The following TUBB3 variants were observed in gnomAD, a reference collection of about 807,000 sequenced individuals.
The protein encoded by TUBB3 is tubulin beta-3 chain.
Under a neutral mutation model 37.8 loss-of-function variants are expected in TUBB3, and 17 were observed. That is an observed-to-expected ratio of 0.45 (90% CI 0.31 to 0.67). The LOEUF is 0.67. TUBB3 is among the 30% of genes least tolerant of loss of function. The probability of loss-of-function intolerance (pLI) is 0.07; values close to 1 mark genes in which losing one functional copy is unlikely to be tolerated. For synonymous variants in TUBB3, 332 were observed against 278.9 expected (o/e 1.19, Z -1.90); for missense variants, 262 against 657.9 (o/e 0.40, Z 6.58).
chr16:89,926,774 G>A (rs1275646877), intron 1 of TUBB3, among the ~76,000 whole-genome samples: 8 of 151,914 alleles, frequency 5.3e-5, no homozygotes, highest in Non-Finnish European at 1.2e-4. Flanking sequence ...CTGGAGTGCA[G>A]TGGCGCGATC....
At chr16:89,928,606 G>C (rs146018050) in intron 1 of TUBB3, among the ~76,000 whole-genome samples, 1,946 of 151,010 alleles carry the variant, frequency 0.013, 13 homozygotes, top group Middle Eastern at 0.027. Context: ...TTCACTGCAA[G>C]CTCCGCCTCC....
upstream of TUBB3, chr16:89,923,337 C>A (rs909379847): frequency 1.0e-5 from 14 of 1,376,464 alleles, no homozygotes; most frequent in Admixed American, 2.7e-5. Context: ...CCGCGGTCCC[C>A]GACCCTCAGC....
chr16:89,930,953 G>C lies in TUBB3; in HGVS notation c.58-1618G>C, dbSNP rs376194620. On this transcript the variant is annotated intron_variant, in intron 1 of 3. Transcript: ENST00000315491. ...AGTGATTCTCCTGCTTCAGCCTCCC[G>C]AGTAGCTGGGACTACAGGCACCCGC... Among the ~76,000 whole-genome samples the C allele has an allele frequency of 0.011, 1,689 of 151,686 alleles. 44 individuals are homozygous for C. The South Asian group carries it at 0.11, about 10-fold the overall frequency.
At chr16:89,933,798 G>C in intron 3 of TUBB3, 1 of 702,590 alleles carries the variant, frequency 1.4e-6, no homozygotes, top group South Asian at 1.5e-5. Context: ...GTGGAATGAA[G>C]TGTAAAGCAG....
chr16:89,934,302 C>T (rs953436896), intron 3 of TUBB3: 33 of 473,010 alleles, frequency 7.0e-5, no homozygotes, highest in African/African-American at 4.1e-4. Flanking sequence ...AGGAGGGCCT[C>T]GCTTCACTTC....
At chr16:89,934,608 T>C (rs1227284628) in intron 3 of TUBB3, 121 bp from the exon 4 acceptor site, 2 of 1,008,996 alleles carry the variant, frequency 2.0e-6, no homozygotes, top group Admixed American at 4.3e-5. Context: ...GGGCCTACTT[T>C]ACAGAAGACA....
At chr16:89,925,654 C>G (rs1367958373) in intron 1 of TUBB3, among the ~76,000 whole-genome samples, 1 of 152,178 alleles carries the variant, frequency 6.6e-6, no homozygotes, top group Non-Finnish European at 1.5e-5. Context: ...AGGAAATTTT[C>G]TCGGGGGCGG....
rs768888960 is a variant in TUBB3, at chr16:89,923,369, C to T, written c.-33C>T. ...CAGCAGCCAGCCCGGCCCGCCCGCGCCCGTCCGCAGCCGCCCGCCAGACGC... is the reference window on the plus strand; with the variant it reads ...CAGCAGCCAGCCCGGCCCGCCCGCGTCCGTCCGCAGCCGCCCGCCAGACGC... On this transcript the variant is annotated 5_prime_UTR_variant, in exon 1 of 4. Coordinates refer to ENST00000315491, the MANE Select transcript of TUBB3 (RefSeq NM_006086.4). 7.6e-6 allele frequency: 11 copies of T among 1,448,364 alleles called. No individual in the cohort carries two copies. Among genetic ancestry groups the T allele is most frequent in the African/African-American group, 4.5e-5 (3 of 67,198 alleles). 89.7% of individuals were successfully genotyped at this position (1,448,364 alleles called of 1,614,324 possible). A position where few individuals can be genotyped will look rare whatever the true frequency, so the allele number is the denominator to read the frequency against.
intron 1 of TUBB3, among the ~76,000 whole-genome samples, chr16:89,927,734 A>G (rs1286456108): frequency 6.6e-6 from 1 of 152,232 alleles, no homozygotes; most frequent in Admixed American, 6.5e-5. Context: ...CACAGATGAG[A>G]AAACAGGTCC....
chr16:89,935,918 T>A lies in TUBB3; in HGVS notation c.*114T>A, dbSNP rs2030442850. 1 of 1,352,006 alleles carries A rather than the reference T, an allele frequency of 7.4e-7. No individual in the cohort carries two copies. 83.8% of individuals were successfully genotyped at this position (1,352,006 alleles called of 1,614,324 possible). ...CCCTGCTTTCCCCTCGCCCTAGGGCTCCCTTGCCGCCCTCCTGCAGTATTT... is the reference window on the plus strand; with the variant it reads ...CCCTGCTTTCCCCTCGCCCTAGGGCACCCTTGCCGCCCTCCTGCAGTATTT... On this transcript the variant is annotated 3_prime_UTR_variant, in exon 4 of 4. Coordinates refer to ENST00000315491, the MANE Select transcript of TUBB3 (RefSeq NM_006086.4).
At chr16:89,930,291 G>C (rs1317470674) in intron 1 of TUBB3, among the ~76,000 whole-genome samples, 1 of 151,812 alleles carries the variant, frequency 6.6e-6, no homozygotes, top group African/African-American at 2.4e-5. Context: ...TTTTGGGAGA[G>C]ATGGAGTTTC....
intron 1 of TUBB3, among the ~76,000 whole-genome samples, chr16:89,930,456 C>T (rs1278893865): frequency 6.6e-6 from 1 of 151,954 alleles, no homozygotes; most frequent in Non-Finnish European, 1.5e-5. Flanking sequence ...CAGAGTCTCA[C>T]TCTGTCGCCC....
intron 1 of TUBB3, among the ~76,000 whole-genome samples, chr16:89,932,262 G>A (rs958134020): frequency 6.6e-6 from 1 of 152,244 alleles, no homozygotes; most frequent in African/African-American, 2.4e-5. Flanking sequence ...CCTTCATGGA[G>A]GAATCCGCTG....
rs941774548 is a variant in TUBB3 at position 89,934,918 on chromosome 16, G to A, written c.467G>A (p.Arg156His). The change falls in exon 4 of 4, where the codon CGT becomes CAT. Residue 156 changes from arginine to histidine, a missense_variant. By Grantham distance (29) the Arg-to-His change is conservative. Coordinates refer to ENST00000315491, the MANE Select transcript of TUBB3 (RefSeq NM_006086.4). ...GMGTLLISKV[R>H]EEYPDRIMNT... is the part of the protein sequence containing the mutation. ...GGCACGTTGCTCATCAGCAAGGTGC[G>A]TGAGGAGTATCCCGACCGCATCATG... The A allele has an allele frequency of 6.2e-7, 1 of 1,614,150 alleles. No homozygotes were observed. Among genetic ancestry groups the A allele is most frequent in the Non-Finnish European group, 8.5e-7 (1 of 1,180,028 alleles).
In TUBB3 at chr16:89,935,701, A is replaced by G; in HGVS notation, c.1250A>G (p.Asp417Gly). 1 of 1,613,864 alleles carries G rather than the reference A, an allele frequency of 6.2e-7. No individual in the cohort carries two copies. Among genetic ancestry groups the G allele is most frequent in the Non-Finnish European group, 8.5e-7 (1 of 1,179,904 alleles). Residue 417 changes from aspartate to glycine, a missense_variant, in exon 4 of 4, where the codon GAC (aspartate) becomes GGC (glycine). Physicochemically the swap from Asp to Gly is moderately conservative, Grantham distance 94 (BLOSUM62 -1). This residue lies in a region of TUBB3 where 165 missense variants were observed against 556.8 expected (regional missense o/e 0.30). Transcript: ENST00000315491. ...EFTEAESNMN[D>G]LVSEYQQYQD... ...ACCGAGGCCGAGAGCAACATGAACG[A>G]CCTGGTGTCCGAGTACCAGCAGTAC...
intron 1 of TUBB3, chr16:89,932,065 T>G (rs1344818394): frequency 3.5e-6 from 1 of 288,004 alleles, no homozygotes; most frequent in East Asian, 8.5e-5. Context: ...CCTGGCACCA[T>G]CACTGGACAT....
At chr16:89,933,326 T>C in intron 2 of TUBB3, 142 bp from the exon 3 acceptor site, 1 of 807,812 alleles carries the variant, frequency 1.2e-6, no homozygotes, top group African/African-American at 1.7e-5. Flanking sequence ...GAAGCTTGCC[T>C]TTGGTCCAGG....
chr16:89,924,645 C>T (rs1470843532), intron 1 of TUBB3, among the ~76,000 whole-genome samples: 3 of 152,078 alleles, frequency 2.0e-5, no homozygotes, highest in African/African-American at 4.8e-5. Flanking sequence ...CTAATTACAA[C>T]AGGGCCAGCC....
chr16:89,924,710 G>A (rs1432591960), intron 1 of TUBB3, among the ~76,000 whole-genome samples: 1 of 152,114 alleles, frequency 6.6e-6, no homozygotes, highest in Non-Finnish European at 1.5e-5. Context: ...GCCTCTGAGG[G>A]TGGGAGGCCC....
Sources: gnomAD v4.1 joint callset for allele counts (sites outside exome capture counted in the v4.1 genomes callset) on GRCh38, gnomAD v4.1.1 for gene constraint, gnomAD v4.1.1 regional missense constraint, MANE v1.5 for transcripts, NCBI Gene and HGNC (gene_info 2026-07-23, HGNC 2026-07-21) for gene names.